The following SLC17A6 variants were observed in gnomAD, a reference collection of about 807,000 sequenced individuals.
The protein encoded by SLC17A6 is vesicular glutamate transporter 2.
A neutral mutation model predicts 67.1 loss-of-function variants in SLC17A6; 35 were observed. That is an observed-to-expected ratio of 0.52 (90% CI 0.40 to 0.69). The LOEUF is 0.69. Ranked by LOEUF, SLC17A6 falls within the 30% of genes least tolerant of loss-of-function variation. The pLI is 0.00. For missense variants in SLC17A6, 588 were observed against 723.9 expected, an observed-to-expected ratio of 0.81 and a Z score of 2.15; for synonymous variants, 285 against 252.3, an observed-to-expected ratio of 1.13 and a Z score of -1.23.
chr11:22,343,852 T>G (rs1855846867), intron 3 of SLC17A6, among the ~76,000 whole-genome samples: 1 of 152,012 alleles, frequency 6.6e-6, no homozygotes, highest in African/African-American at 2.4e-5. Context: ...TATGAAGTAT[T>G]TGTTTCTAGG....
chr11:22,348,056 C>G (rs1039193020), intron 3 of SLC17A6, among the ~76,000 whole-genome samples: 1 of 152,180 alleles, frequency 6.6e-6, no homozygotes, highest in South Asian at 2.1e-4. Context: ...CAGAGCTCAT[C>G]TAATCCAACC....
intron 3 of SLC17A6, among the ~76,000 whole-genome samples, chr11:22,343,792 A>G (rs1855846085): frequency 6.6e-6 from 1 of 152,112 alleles, no homozygotes; most frequent in Non-Finnish European, 1.5e-5. Flanking sequence ...ACCTCCTGGC[A>G]AGGCGCCTCG....
chr11:22,345,203 A>C (rs1452079545), intron 3 of SLC17A6, among the ~76,000 whole-genome samples: 1 of 150,592 alleles, frequency 6.6e-6, no homozygotes, highest in African/African-American at 2.5e-5. Flanking sequence ...GGTTTTTCCG[A>C]TTATTTAAAT....
chr11:22,372,516 T>C (rs1339439317), intron 8 of SLC17A6, among the ~76,000 whole-genome samples: 1 of 151,964 alleles, frequency 6.6e-6, no homozygotes, highest in East Asian at 1.9e-4. Context: ...GGTCAGATTA[T>C]AGGGGCAAGC....
chr11:22,370,733 C>G (rs755224400), intron 8 of SLC17A6, among the ~76,000 whole-genome samples: 1 of 152,038 alleles, frequency 6.6e-6, no homozygotes, highest in Admixed American at 6.6e-5. Context: ...ATGTGAGATG[C>G]AGAAATAAAA....
At chr11:22,376,762 C>A in intron 11 of SLC17A6, 90 bp downstream of exon 11, 1 of 1,386,046 alleles carries the variant, frequency 7.2e-7, no homozygotes, top group Non-Finnish European at 1.0e-6. Flanking sequence ...TTATCCTTAG[C>A]ATTTTCTTTC....
chr11:22,374,938 C>T, intron 9 of SLC17A6, 51 bp downstream of exon 9: 1 of 1,504,004 alleles, frequency 6.6e-7, no homozygotes, highest in South Asian at 1.4e-5. Flanking sequence ...ATCAGTTTAA[C>T]CTACATGAGA....
In SLC17A6 at chr11:22,351,230, A is replaced by G. The variant is rs73485581; in HGVS notation, c.458+7865A>G. ...TCCCGCACATGACTCTATAAGGCAGACATTCTTTCTTTTATTATATTTCAG... is the reference window on the plus strand; with the variant it reads ...TCCCGCACATGACTCTATAAGGCAGGCATTCTTTCTTTTATTATATTTCAG... On this transcript the variant is annotated intron_variant, in intron 3 of 11. Coordinates refer to ENST00000263160, the MANE Select transcript of SLC17A6 (RefSeq NM_020346.3). Among the ~76,000 whole-genome samples the G allele has an allele frequency of 5.4e-3, 821 of 152,094 alleles. 4 individuals carry two copies. Among genetic ancestry groups the G allele is most frequent in the African/African-American group, 0.019 (776 of 41,388 alleles).
At chr11:22,345,104 A>G (rs1000549196) in intron 3 of SLC17A6, among the ~76,000 whole-genome samples, 7 of 152,136 alleles carry the variant, frequency 4.6e-5, no homozygotes, top group African/African-American at 1.7e-4. Context: ...ACCTTGTCAA[A>G]TATTAAAATG....
In SLC17A6 at chr11:22,378,567, AG is replaced by A. The variant is rs976810323; in HGVS notation, c.*828del. On this transcript the variant is annotated 3_prime_UTR_variant, in exon 12 of 12. Transcript: ENST00000263160. ...GGTTGTAACTTGCATTAGAAAAAAAAGAGATATATACACCACAAAGAATCTA... is the reference window on the plus strand; with the variant it reads ...GGTTGTAACTTGCATTAGAAAAAAAAAGATATATACACCACAAAGAATCTA... The A allele has an allele frequency of 7.9e-5, 12 of 152,506 alleles. No individual in the cohort carries two copies. The highest frequency in any genetic ancestry group is 2.9e-4 in the African/African-American group (12 of 41,472). 9.4% of individuals were successfully genotyped at this position (152,506 alleles called of 1,614,324 possible).
intron 3 of SLC17A6, among the ~76,000 whole-genome samples, chr11:22,355,720 A>G (rs963574801): frequency 1.3e-5 from 2 of 152,092 alleles, no homozygotes; most frequent in Admixed American, 6.6e-5. Flanking sequence ...ATGTTCAGCC[A>G]TTTTCAATAC....
chr11:22,373,069 C>G lies in SLC17A6; in HGVS notation c.1042-1686C>G, dbSNP rs144019685. 5.1e-3 allele frequency among the ~76,000 whole-genome samples: 780 copies of G among 152,286 alleles called. 8 individuals carry two copies. Among genetic ancestry groups the G allele is most frequent in the African/African-American group, 0.018 (740 of 41,550 alleles). ...TTAGCACCTTGCATTTTCCATAGTG[C>G]TTTGCACACCCTTTGCTGAAAGTGT... On this transcript the variant is annotated intron_variant, in intron 8 of 11. Coordinates refer to ENST00000263160, the MANE Select transcript of SLC17A6 (RefSeq NM_020346.3).
chr11:22,346,189 C>T (rs931901650), intron 3 of SLC17A6, among the ~76,000 whole-genome samples: 1 of 152,098 alleles, frequency 6.6e-6, no homozygotes, highest in African/African-American at 2.4e-5. Context: ...GAAAGTTTTG[C>T]CACCACTGTT....
intron 3 of SLC17A6, among the ~76,000 whole-genome samples, chr11:22,346,317 C>T (rs1226711318): frequency 6.6e-6 from 1 of 152,110 alleles, no homozygotes; most frequent in Non-Finnish European, 1.5e-5. Context: ...AATTATTTGG[C>T]TTCTTCAGTT....
chr11:22,376,993 A>G (rs1856239062), intron 11 of SLC17A6, among the ~76,000 whole-genome samples: 1 of 152,170 alleles, frequency 6.6e-6, no homozygotes, highest in South Asian at 2.1e-4. Flanking sequence ...TGTAAACCTC[A>G]ATTCAGACTC....
Position 22,359,530 on chromosome 11 carries a change from A to G in SLC17A6, c.573+3A>G, listed in dbSNP as rs191545670. 5,227 of 1,560,658 alleles carry G rather than the reference A, an allele frequency of 3.3e-3. 13 individuals are homozygous for G. The highest frequency in any genetic ancestry group is 4.1e-3 in the Non-Finnish European group (4,724 of 1,150,918). ...GAATACTGCAGGGACTTGTTGAGGTATGTAACTTCAGGGTGAAGCCTTTTT... is the reference window on the plus strand; with the variant it reads ...GAATACTGCAGGGACTTGTTGAGGTGTGTAACTTCAGGGTGAAGCCTTTTT... On this transcript the variant is annotated splice_donor_region_variant and intron_variant, in intron 4 of 11. Coordinates refer to ENST00000263160, the MANE Select transcript of SLC17A6 (RefSeq NM_020346.3).
chr11:22,366,685 A>G (rs1856116504), intron 7 of SLC17A6, among the ~76,000 whole-genome samples: 1 of 152,126 alleles, frequency 6.6e-6, no homozygotes, highest in South Asian at 2.1e-4. Context: ...TACAAAAGCC[A>G]CCTGATGTTA....
At chr11:22,338,987 C>A (rs927990271) in intron 1 of SLC17A6, among the ~76,000 whole-genome samples, 2 of 149,380 alleles carry the variant, frequency 1.3e-5, no homozygotes, top group African/African-American at 4.9e-5. Context: ...GAATTAAATT[C>A]CTTTGATGCA....
chr11:22,338,657 C>G, intron 1 of SLC17A6, 38 bp downstream of exon 1: 1 of 1,493,374 alleles, frequency 6.7e-7, no homozygotes, highest in Non-Finnish European at 9.3e-7. Flanking sequence ...TGGGGCTCAG[C>G]ATGAAAAAAT....
Sources: gnomAD v4.1 joint callset for allele counts (sites outside exome capture counted in the v4.1 genomes callset) on GRCh38, gnomAD v4.1.1 for gene constraint, MANE v1.5 for transcripts, NCBI Gene and HGNC (gene_info 2026-07-23, HGNC 2026-07-21) for gene names.